Variants in IL12RB2 observed in about 807,000 individuals in gnomAD.
The protein encoded by IL12RB2 is interleukin 12 receptor subunit beta 2.
A neutral mutation model predicts 89.4 loss-of-function variants in IL12RB2; 82 were observed. That is an observed-to-expected ratio of 0.92 (90% CI 0.77 to 1.10). The LOEUF (loss-of-function observed/expected upper bound fraction) is 1.10, where lower values mean the gene tolerates loss of function less well. IL12RB2 is among the 50% of genes least tolerant of loss of function. The pLI is 0.00. For missense variants in IL12RB2, 963 were observed against 1,031.9 expected, an observed-to-expected ratio of 0.93 and a Z score of 0.92; for synonymous variants, 368 against 370.1, an observed-to-expected ratio of 0.99 and a Z score of 0.07.
intron 2 of IL12RB2, among the ~76,000 whole-genome samples, chr1:67,319,615 T>C (rs1004385960): frequency 2.6e-5 from 4 of 152,126 alleles, no homozygotes; most frequent in African/African-American, 9.7e-5. Context: ...AAGCCTTGTT[T>C]AGAAGGAAAA....
chr1:67,384,146 C>G (rs567316191), intron 14 of IL12RB2, among the ~76,000 whole-genome samples: 1 of 152,326 alleles, frequency 6.6e-6, no homozygotes, highest in East Asian at 1.9e-4. Context: ...CCACACTGCT[C>G]TAGCAGAGGT....
At chr1:67,379,253 G>A (rs1390724343) in intron 13 of IL12RB2, among the ~76,000 whole-genome samples, 1 of 150,436 alleles carries the variant, frequency 6.6e-6, no homozygotes, top group African/African-American at 2.4e-5. Flanking sequence ...ACTCACACTT[G>A]TAATCCAGCA....
intron 16 of IL12RB2, among the ~76,000 whole-genome samples, chr1:67,394,088 A>G (rs1459565929): frequency 6.6e-6 from 1 of 152,120 alleles, no homozygotes; most frequent in African/African-American, 2.4e-5. Flanking sequence ...AGCAGGGTGA[A>G]GGCCGGCAGT....
intron 8 of IL12RB2, among the ~76,000 whole-genome samples, chr1:67,331,871 A>T: frequency 6.6e-6 from 1 of 152,308 alleles, no homozygotes; most frequent in South Asian, 2.1e-4. Context: ...AAATGCACTC[A>T]TTTAGTGATA....
At chr1:67,394,220 C>T (rs1557485044) in intron 16 of IL12RB2, among the ~76,000 whole-genome samples, 1 of 152,138 alleles carries the variant, frequency 6.6e-6, no homozygotes, top group African/African-American at 2.4e-5. Context: ...AACCAATTGC[C>T]AGGCCAATGC....
At chr1:67,353,819 A>G (rs1661091493) in intron 10 of IL12RB2, among the ~76,000 whole-genome samples, 1 of 152,194 alleles carries the variant, frequency 6.6e-6, no homozygotes, top group Admixed American at 6.5e-5. Context: ...AATGAAATAA[A>G]TCAGAATAAC....
chr1:67,324,223 CGTTT>C (rs1195534806), intron 4 of IL12RB2, among the ~76,000 whole-genome samples: 6 of 151,970 alleles, frequency 3.9e-5, no homozygotes, highest in South Asian at 4.1e-4. Flanking sequence ...AAGAGACTTT[CGTTT>C]GTTTGTTTGT....
Position 67,397,890 on chromosome 1 carries a change from C to T in IL12RB2, c.*1801C>T, listed in dbSNP as rs1292577942. Among the ~76,000 whole-genome samples the T allele has an allele frequency of 6.6e-6, 1 of 152,112 alleles. No individual in the cohort carries two copies. Among genetic ancestry groups the T allele is most frequent in the Admixed American group, 6.6e-5 (1 of 15,254 alleles). The stretch of plus-strand genomic sequence containing the variant: ...CTTGCCTAACGTGAGGAACTAAAAA[C>T]TTGTCCATGCATACCCCAGTCCTGT... On this transcript the variant is annotated 3_prime_UTR_variant, in exon 17 of 17. Transcript: ENST00000674203.
upstream of IL12RB2, chr1:67,307,418 A>G (rs1654404018): frequency 6.6e-6 from 1 of 152,392 alleles, no homozygotes; most frequent in African/African-American, 2.4e-5. Flanking sequence ...GGCTGTCAAC[A>G]AAGTGCCACG....
At chr1:67,307,713 G>C (rs1654441112), upstream of IL12RB2, 1 of 152,222 alleles carries the variant, frequency 6.6e-6, no homozygotes. Flanking sequence ...TGAGAAGCGA[G>C]TCCTCTCCGC....
intron 4 of IL12RB2, among the ~76,000 whole-genome samples, chr1:67,326,095 C>T (rs984279562): frequency 2.6e-5 from 4 of 152,168 alleles, no homozygotes; most frequent in Non-Finnish European, 5.9e-5. Flanking sequence ...CTCCAAGAGA[C>T]AATGCAGAAA....
chr1:67,363,923 T>C (rs1360852178), intron 10 of IL12RB2, among the ~76,000 whole-genome samples: 2 of 152,124 alleles, frequency 1.3e-5, no homozygotes, highest in Non-Finnish European at 2.9e-5. Flanking sequence ...AAATGAGGGA[T>C]AGATGACAAA....
At chr1:67,340,693 C>T (rs1659427137) in intron 9 of IL12RB2, among the ~76,000 whole-genome samples, 1 of 152,218 alleles carries the variant, frequency 6.6e-6, no homozygotes, top group Admixed American at 6.5e-5. Context: ...CTGTAACAAA[C>T]AGAGTTTATA....
chr1:67,343,400 G>GAA (rs1357222131), intron 9 of IL12RB2, among the ~76,000 whole-genome samples: 2 of 152,134 alleles, frequency 1.3e-5, no homozygotes, highest in East Asian at 3.8e-4. Context: ...TTTTTAAGAG[G>GAA]AAAAATACTT....
intron 8 of IL12RB2, among the ~76,000 whole-genome samples, chr1:67,337,840 C>T (rs148218281): frequency 5.1e-4 from 73 of 143,876 alleles, no homozygotes; most frequent in African/African-American, 1.9e-3. Context: ...TTTACAAGAC[C>T]AAAAAGTGTT....
chr1:67,375,211 A>G (rs1663830588), intron 13 of IL12RB2, among the ~76,000 whole-genome samples: 1 of 152,074 alleles, frequency 6.6e-6, no homozygotes, highest in South Asian at 2.1e-4. Flanking sequence ...CCTGGGCAAC[A>G]TGGTGAAACC....
intron 2 of IL12RB2, among the ~76,000 whole-genome samples, chr1:67,319,340 C>G (rs1656195271): frequency 6.6e-6 from 1 of 152,136 alleles, no homozygotes; most frequent in African/African-American, 2.4e-5. Flanking sequence ...GAATTTGAAA[C>G]AGATCAGAAA....
intron 13 of IL12RB2, among the ~76,000 whole-genome samples, chr1:67,376,241 T>C (rs867533166): frequency 3.9e-5 from 6 of 152,168 alleles, no homozygotes; most frequent in African/African-American, 1.2e-4. Context: ...GAAGAAGCCA[T>C]GGCAATTTGC....
At chr1:67,363,838 C>T in intron 10 of IL12RB2, among the ~76,000 whole-genome samples, 1 of 152,022 alleles carries the variant, frequency 6.6e-6, no homozygotes, top group East Asian at 1.9e-4. Context: ...AACTGATATG[C>T]TAAAAAGGGC....
Sources: allele counts gnomAD v4.1 joint callset (sites outside exome capture counted in the v4.1 genomes callset), GRCh38; gene constraint gnomAD v4.1.1; transcripts MANE v1.5; gene names NCBI Gene and HGNC (gene_info 2026-07-23, HGNC 2026-07-21).